The following MYRIP variants were observed in gnomAD, a reference collection of about 807,000 sequenced individuals.
MYRIP encodes rab effector MyRIP.
A neutral mutation model predicts 98.0 loss-of-function variants in MYRIP; 49 were observed. The observed-to-expected ratio is 0.50, with a 90% CI of 0.40 to 0.63. The LOEUF is 0.63. MYRIP is among the 30% of genes least tolerant of loss of function. The pLI is 0.00. For missense variants in MYRIP, 1,004 were observed against 1,058.2 expected, an observed-to-expected ratio of 0.95 and a Z score of 0.71; for synonymous variants, 404 against 409.5, an observed-to-expected ratio of 0.99 and a Z score of 0.16.
rs781433872 is a variant in MYRIP at position 40,254,677 on chromosome 3, G to A, written c.2547+2678G>A. Among the ~76,000 whole-genome samples the A allele has an allele frequency of 4.6e-5, 7 of 152,208 alleles. No individual in the cohort carries two copies. The East Asian group carries it at 1.4e-3, about 29-fold the overall frequency. ...ATTTAGGAACTGAAAGGAGAGGCAG[G>A]CTTGCATGACCCAGTTCTCAGCTTG... On this transcript the variant is annotated intron_variant, in intron 16 of 16. Coordinates refer to ENST00000302541, the MANE Select transcript of MYRIP (RefSeq NM_015460.4).
Position 40,258,498 on chromosome 3 carries a change from T to A in MYRIP, c.*332T>A, listed in dbSNP as rs896325534. 4 of 280,112 alleles carry A rather than the reference T, an allele frequency of 1.4e-5. No individual in the cohort carries two copies. Among genetic ancestry groups the A allele is most frequent in the African/African-American group, 8.4e-5 (4 of 47,358 alleles). The allele number at this position is 280,112 out of a possible 1,614,324, so 17.4% of individuals were successfully genotyped here. ...TGTATGTTGACTTTAAGATCTTTTT[T>A]TAAATACATTTGATTCAGCTAGTAT... On this transcript the variant is annotated 3_prime_UTR_variant, in exon 17 of 17. Transcript: ENST00000302541.
At chr3:39,994,714 A>G (rs1946290323) in intron 2 of MYRIP, among the ~76,000 whole-genome samples, 1 of 152,220 alleles carries the variant, frequency 6.6e-6, no homozygotes, top group Admixed American at 6.5e-5. Context: ...ATGCAGCTGG[A>G]GATCTGAGAA....
intron 1 of MYRIP, among the ~76,000 whole-genome samples, chr3:39,890,158 C>T (rs1943446803): frequency 6.6e-6 from 1 of 151,914 alleles, no homozygotes; most frequent in African/African-American, 2.4e-5. Context: ...ATTCTTCCAA[C>T]CTTTTAAACT....
intron 3 of MYRIP, among the ~76,000 whole-genome samples, chr3:40,131,870 A>T (rs1201289090): frequency 6.6e-6 from 1 of 152,046 alleles, no homozygotes; most frequent in African/African-American, 2.4e-5. Context: ...AACTAGAAAA[A>T]TATCTCTAAT....
At chr3:39,866,096 T>A (rs1245746375) in intron 1 of MYRIP, among the ~76,000 whole-genome samples, 1 of 152,078 alleles carries the variant, frequency 6.6e-6, no homozygotes, top group Non-Finnish European at 1.5e-5. Flanking sequence ...CACCACATGT[T>A]CCCACTTATC....
chr3:40,014,941 A>G (rs1559561258), intron 2 of MYRIP, among the ~76,000 whole-genome samples: 1 of 152,182 alleles, frequency 6.6e-6, no homozygotes, highest in African/African-American at 2.4e-5. Flanking sequence ...CCTGCTCCCC[A>G]ACATACCCTG....
At chr3:39,875,690 A>G (rs1483805583) in intron 1 of MYRIP, among the ~76,000 whole-genome samples, 1 of 151,076 alleles carries the variant, frequency 6.6e-6, no homozygotes, top group African/African-American at 2.4e-5. Context: ...GTTTGATTGC[A>G]CTGTGGTCTG....
chr3:40,062,886 A>G (rs531703206), intron 3 of MYRIP, among the ~76,000 whole-genome samples: 1 of 152,318 alleles, frequency 6.6e-6, no homozygotes, highest in Admixed American at 6.5e-5. Context: ...TTTATACACC[A>G]AGATGTAGCA....
chr3:39,829,397 T>A (rs1269124734), intron 1 of MYRIP, among the ~76,000 whole-genome samples: 2 of 152,212 alleles, frequency 1.3e-5, no homozygotes, highest in African/African-American at 4.8e-5. Context: ...TTATTTGTAT[T>A]GATAGGTCTT....
intron 1 of MYRIP, among the ~76,000 whole-genome samples, chr3:39,841,407 T>G (rs1293087904): frequency 6.6e-6 from 1 of 152,130 alleles, no homozygotes; most frequent in African/African-American, 2.4e-5. Flanking sequence ...ACATGCTCCT[T>G]TAGCTCGGAG....
intron 1 of MYRIP, among the ~76,000 whole-genome samples, chr3:39,898,597 G>A (rs1943670814): frequency 6.6e-6 from 1 of 152,114 alleles, no homozygotes; most frequent in African/African-American, 2.4e-5. Context: ...GGGACTCTGA[G>A]TCAGACCAAG....
At chr3:39,900,470 T>C (rs2125670674) in intron 1 of MYRIP, among the ~76,000 whole-genome samples, 1 of 152,224 alleles carries the variant, frequency 6.6e-6, no homozygotes, top group East Asian at 1.9e-4. Flanking sequence ...TTTAGAACTT[T>C]TAGATATTGC....
At chr3:40,072,099 C>T (rs1045893667) in intron 3 of MYRIP, among the ~76,000 whole-genome samples, 4 of 152,078 alleles carry the variant, frequency 2.6e-5, no homozygotes, top group Admixed American at 6.5e-5. Context: ...GCTCAGGGGC[C>T]GGATGCAGAA....
At chr3:39,991,027 A>G (rs1345546750) in intron 2 of MYRIP, among the ~76,000 whole-genome samples, 1 of 152,198 alleles carries the variant, frequency 6.6e-6, no homozygotes, top group Non-Finnish European at 1.5e-5. Flanking sequence ...GAGGGATAAC[A>G]TTAGGAGAAA....
chr3:39,881,167 A>C (rs1172877877), intron 1 of MYRIP, among the ~76,000 whole-genome samples: 1 of 152,024 alleles, frequency 6.6e-6, no homozygotes, highest in Non-Finnish European at 1.5e-5. Flanking sequence ...ACATACCTAG[A>C]TATCATAGGA....
chr3:39,916,000 C>CA (rs1201649405), intron 2 of MYRIP, among the ~76,000 whole-genome samples: 1 of 151,764 alleles, frequency 6.6e-6, no homozygotes, highest in Non-Finnish European at 1.5e-5. Context: ...TGCTAATAGC[C>CA]AGAAAAAAGA....
chr3:40,101,480 ACTTTCTTGAATTACAT>A (rs1177228533), intron 3 of MYRIP, among the ~76,000 whole-genome samples: 2 of 151,758 alleles, frequency 1.3e-5, no homozygotes, highest in African/African-American at 2.4e-5. Flanking sequence ...GGCTTGAGAA[ACTTTCTTGAATTACAT>A]CTTTGATTAT....
At chr3:40,241,355 C>T (rs1362371518) in intron 12 of MYRIP, among the ~76,000 whole-genome samples, 1 of 152,158 alleles carries the variant, frequency 6.6e-6, no homozygotes, top group Non-Finnish European at 1.5e-5. Flanking sequence ...CTCCTACAAC[C>T]CTTACAGCAC....
At chr3:40,034,040 T>A (rs1333519582) in intron 2 of MYRIP, among the ~76,000 whole-genome samples, 3 of 152,114 alleles carry the variant, frequency 2.0e-5, no homozygotes, top group African/African-American at 4.8e-5. Context: ...TGAAACTGGA[T>A]CCTTTCCTTA....
Sources: allele counts gnomAD v4.1 joint callset (sites outside exome capture counted in the v4.1 genomes callset), GRCh38; gene constraint gnomAD v4.1.1; transcripts MANE v1.5; gene names NCBI Gene and HGNC (gene_info 2026-07-23, HGNC 2026-07-21).